The following MRTFA variants were observed in gnomAD, a reference collection of about 807,000 sequenced individuals.
MRTFA encodes the protein myocardin related transcription factor A.
MRTFA carries 20 observed loss-of-function variants against 83.5 expected under a neutral mutation model. The observed-to-expected ratio is 0.24, with a 90% CI of 0.17 to 0.35. The LOEUF is 0.35. Among genes scored for constraint, MRTFA ranks in the 10% least tolerant of loss-of-function variants. MRTFA has a pLI of 1.00. For synonymous variants in MRTFA, 659 were observed against 541.2 expected (o/e 1.22, Z -3.02); for missense variants, 1,200 against 1,224.7 (o/e 0.98, Z 0.30).
At chr22:40,439,486 C>T (rs868602405) in intron 4 of MRTFA, among the ~76,000 whole-genome samples, 11 of 108,136 alleles carry the variant, frequency 1.0e-4, no homozygotes, top group South Asian at 2.9e-4. Flanking sequence ...ACCTGGGTGA[C>T]AGAGCAAGAC....
intron 1 of MRTFA, among the ~76,000 whole-genome samples, chr22:40,625,950 A>AAAGT (rs133043): frequency 0.97 from 146,893 of 152,176 alleles, 70,956 homozygotes; most frequent in East Asian, 1. Flanking sequence ...CTTCTCATAA[A>AAAGT]GATGATCACA....
intron 6 of MRTFA, among the ~76,000 whole-genome samples, chr22:40,430,337 A>T (rs1217782940): frequency 2.6e-5 from 4 of 151,546 alleles, no homozygotes; most frequent in Non-Finnish European, 5.9e-5. Context: ...AAAATACAAA[A>T]ATTAGCCAGG....
At chr22:40,470,397 A>G (rs1482397730) in intron 3 of MRTFA, among the ~76,000 whole-genome samples, 1 of 150,308 alleles carries the variant, frequency 6.7e-6, no homozygotes, top group Non-Finnish European at 1.5e-5. Flanking sequence ...ATTAGAAAGT[A>G]CTTTGAACTA....
intron 1 of MRTFA, among the ~76,000 whole-genome samples, chr22:40,609,898 T>C (rs1360113585): frequency 6.6e-6 from 1 of 152,114 alleles, no homozygotes; most frequent in Non-Finnish European, 1.5e-5. Context: ...CAGATAAACG[T>C]ATGTCCTCTT....
chr22:40,418,227 G>C (rs1004498226), intron 12 of MRTFA, 147 bp downstream of exon 12: 6 of 1,428,890 alleles, frequency 4.2e-6, no homozygotes, highest in African/African-American at 1.5e-5. Context: ...ACTTTCCTAA[G>C]TCTCAGTACC....
At chr22:40,452,535 A>C (rs188947653) in intron 4 of MRTFA, among the ~76,000 whole-genome samples, 3 of 152,292 alleles carry the variant, frequency 2.0e-5, no homozygotes, top group Admixed American at 2.0e-4. Flanking sequence ...CAAAAAGACT[A>C]CTTTCAGCCA....
intron 4 of MRTFA, among the ~76,000 whole-genome samples, chr22:40,438,058 C>G (rs2053205155): frequency 6.6e-6 from 1 of 152,198 alleles, no homozygotes; most frequent in South Asian, 2.1e-4. Context: ...AGCCAGAATT[C>G]TGGTTCTCAA....
intron 2 of MRTFA, among the ~76,000 whole-genome samples, chr22:40,581,942 T>A (rs2055953127): frequency 6.6e-6 from 1 of 152,202 alleles, no homozygotes; most frequent in Admixed American, 6.6e-5. Context: ...TACTATAAAA[T>A]TCGCCCTTTC....
At chr22:40,464,309 G>GAAAAAAA (rs398040500) in intron 3 of MRTFA, among the ~76,000 whole-genome samples, 12 of 56,264 alleles carry the variant, frequency 2.1e-4, no homozygotes, top group East Asian at 6.7e-4. Context: ...GCTGTCTCAG[G>GAAAAAAA]AAAAAAAAAA....
intron 3 of MRTFA, among the ~76,000 whole-genome samples, chr22:40,496,722 G>A (rs1018952228): frequency 2.8e-5 from 4 of 144,324 alleles, no homozygotes; most frequent in African/African-American, 5.2e-5. Context: ...AATCTGGGTG[G>A]TTGGAATAGA....
chr22:40,433,698 T>A (rs537113338), intron 5 of MRTFA: 1 of 152,378 alleles, frequency 6.6e-6, no homozygotes, highest in South Asian at 2.1e-4. Context: ...CTTATTCATC[T>A]GGAAGTATGA....
rs754730237 is a variant in MRTFA at position 40,410,784 on chromosome 22, C to A, written c.*606G>T. The stretch of plus-strand genomic sequence containing the variant: ...TGCACCCATCTCCTGTCCGCCCCCC[C>A]CCAAAAATATATATGTATGTCGATA... On this transcript the variant is annotated 3_prime_UTR_variant, in exon 15 of 15. Coordinates refer to ENST00000355630, the MANE Select transcript of MRTFA (RefSeq NM_020831.6). 30 of 232,890 alleles carry A rather than the reference C, an allele frequency of 1.3e-4. No homozygotes were observed. Among genetic ancestry groups the A allele is most frequent in the Non-Finnish European group, 2.5e-4 (30 of 117,968 alleles). 14.4% of individuals were successfully genotyped at this position (232,890 alleles called of 1,614,324 possible).
chr22:40,544,347 G>A (rs1312409590), intron 3 of MRTFA, among the ~76,000 whole-genome samples: 3 of 152,122 alleles, frequency 2.0e-5, no homozygotes, highest in Non-Finnish European at 4.4e-5. Flanking sequence ...TGATCCTTCT[G>A]CCTCAGCCTC....
At chr22:40,433,132 G>T in intron 5 of MRTFA, 1 of 155,458 alleles carries the variant, frequency 6.4e-6, no homozygotes. Context: ...TATCCTTTGT[G>T]ACAAATAGTA....
At chr22:40,492,558 C>G (rs2054288515) in intron 3 of MRTFA, among the ~76,000 whole-genome samples, 1 of 152,156 alleles carries the variant, frequency 6.6e-6, no homozygotes, top group Non-Finnish European at 1.5e-5. Context: ...TGCTCAGAAC[C>G]AAAAGGCTTC....
In MRTFA at chr22:40,478,466, A is replaced by G. The variant is rs528648665; in HGVS notation, c.242-15180T>C. ...TTCTAAGTCTAAAATCATTCCAAAT[A>G]AAGTTTATTTTCAAAACCCACGGAG... On this transcript the variant is annotated intron_variant, in intron 3 of 14. Transcript: ENST00000355630. Among the ~76,000 whole-genome samples the G allele has an allele frequency of 8.5e-5, 13 of 152,296 alleles. 1 individual carries two copies. Among genetic ancestry groups the G allele is most frequent in the African/African-American group, 2.9e-4 (12 of 41,526 alleles).
intron 3 of MRTFA, among the ~76,000 whole-genome samples, chr22:40,498,744 G>T (rs1030004960): frequency 6.6e-6 from 1 of 152,072 alleles, no homozygotes; most frequent in Non-Finnish European, 1.5e-5. Context: ...CTACCTCTCA[G>T]GAGCAGGCCA....
chr22:40,499,999 G>C (rs1485966056), intron 3 of MRTFA, among the ~76,000 whole-genome samples: 1 of 130,892 alleles, frequency 7.6e-6, no homozygotes, highest in South Asian at 2.5e-4. Flanking sequence ...TCGGCTCACC[G>C]GCTCACCGCA....
At chr22:40,424,566 A>C (rs1301612451) in intron 7 of MRTFA, among the ~76,000 whole-genome samples, 185 bp from the exon 8 acceptor site, 1 of 152,228 alleles carries the variant, frequency 6.6e-6, no homozygotes, top group Non-Finnish European at 1.5e-5. Flanking sequence ...TGGTCATCAT[A>C]ATGACCCTGC....
Sources: allele counts gnomAD v4.1 joint callset (sites outside exome capture counted in the v4.1 genomes callset), GRCh38; gene constraint gnomAD v4.1.1; transcripts MANE v1.5; gene names NCBI Gene and HGNC (gene_info 2026-07-23, HGNC 2026-07-21).